HMCN2: variants seen among roughly 807,000 people sequenced by gnomAD.
The protein encoded by HMCN2 is hemicentin-2.
HMCN2 carries 325 observed loss-of-function variants against 377.5 expected under a neutral mutation model. The ratio of observed to expected loss-of-function variants is 0.86; its 90% CI spans 0.79 to 0.94. The LOEUF (loss-of-function observed/expected upper bound fraction) is 0.94. HMCN2 is among the 40% of genes least tolerant of loss of function. The pLI, the probability that HMCN2 is intolerant of heterozygous loss-of-function variation, is 0.00. For synonymous variants in HMCN2, 2,007 were observed against 2,046.8 expected, an observed-to-expected ratio of 0.98 and a Z score of 0.53; for missense variants, 4,543 against 4,725.3, an observed-to-expected ratio of 0.96 and a Z score of 1.13.
chr9:130,369,747 G>T lies in HMCN2; in HGVS notation c.6965G>T (p.Ser2322Ile). 1.0e-6 allele frequency: 1 copy of T among 985,976 alleles called. No homozygotes were observed. The highest frequency in any genetic ancestry group is 1.2e-6 in the Non-Finnish European group (1 of 830,010). 61.1% of individuals were successfully genotyped at this position (985,976 alleles called of 1,614,324 possible). ...CTGCAGCTGCAGAACCAGGGTCAGA[G>T]CCTGCATGTGGAGCGGGCCCAGGCT... ...LGLQLQNQGQSLHVERAQAAH... is the reference protein window; with the variant it reads ...LGLQLQNQGQILHVERAQAAH... Residue 2322 changes from serine (S) to isoleucine (I), a missense_variant, in exon 45 of 98, where the codon AGC becomes ATC. Ser to Ile is a moderately radical substitution (Grantham distance 142). This residue lies in a region of HMCN2 where 1,032 missense variants were observed against 1,285.1 expected (regional missense o/e 0.80). Transcript: ENST00000683500. This position sits in a 1 kb window ranked among gnomAD's most constrained non-coding sequence, Gnocchi z 4.5.
chr9:130,355,395 G>A (rs1839972493), intron 32 of HMCN2, among the ~76,000 whole-genome samples: 1 of 152,214 alleles, frequency 6.6e-6, no homozygotes, highest in Non-Finnish European at 1.5e-5. Flanking sequence ...GGGCGGGTGG[G>A]GCCTTCGCCT....
rs1039337842 is a variant in HMCN2 at position 130,308,699 on chromosome 9, G to A, written c.2200+1133G>A. 4.6e-5 allele frequency among the ~76,000 whole-genome samples: 7 copies of A among 152,258 alleles called. No homozygotes were observed. Among genetic ancestry groups the A allele is most frequent in the South Asian group, 4.2e-4 (2 of 4,816 alleles). ...ACTGCATATTCTGGCCAAGAACCCCGTCAACCCAGCCCTAGAGCCCCACTT... is the reference window on the plus strand; with the variant it reads ...ACTGCATATTCTGGCCAAGAACCCCATCAACCCAGCCCTAGAGCCCCACTT... On this transcript the variant is annotated intron_variant, in intron 14 of 97. Transcript: ENST00000683500. The surrounding 1 kb of genome is among the most constrained non-coding windows in gnomAD (Gnocchi z 4.1).
chr9:130,306,486 C>T (rs1226843618), intron 12 of HMCN2, among the ~76,000 whole-genome samples: 2 of 152,094 alleles, frequency 1.3e-5, no homozygotes, highest in Non-Finnish European at 2.9e-5. Flanking sequence ...CTGTATGGAC[C>T]TGCGCCCAAA....
At chr9:130,346,537 A>G in intron 25 of HMCN2, among the ~76,000 whole-genome samples, 1 of 151,982 alleles carries the variant, frequency 6.6e-6, no homozygotes, top group Non-Finnish European at 1.5e-5. Context: ...TGACTGACCC[A>G]GGCTTGTGGA....
chr9:130,310,903 A>G (rs1428210924), intron 15 of HMCN2, among the ~76,000 whole-genome samples: 6 of 152,174 alleles, frequency 3.9e-5, no homozygotes, highest in Admixed American at 3.9e-4. Context: ...TGCTGTGAGG[A>G]TTCAGTGAAA....
intron 1 of HMCN2, among the ~76,000 whole-genome samples, chr9:130,281,790 T>G (rs1304620425): frequency 4.8e-5 from 7 of 146,544 alleles, no homozygotes; most frequent in Admixed American, 1.4e-4. Context: ...GCTACTAGGC[T>G]GGGGCAGGAG....
chr9:130,306,653 C>T (rs1300589527), intron 12 of HMCN2, among the ~76,000 whole-genome samples, 158 bp from the exon 13 acceptor site: 4 of 151,508 alleles, frequency 2.6e-5, no homozygotes, highest in African/African-American at 4.9e-5. Context: ...CTCTGAGCCT[C>T]GAGAATTAAA....
At position 130,379,355 on chromosome 9, in the gene HMCN2, G is replaced by T. The variant is rs1479154930; in HGVS notation, c.8319G>T (p.Glu2773Asp). 2 of 985,680 alleles carry T rather than the reference G, an allele frequency of 2.0e-6. No homozygotes were observed. The highest frequency in any genetic ancestry group is 3.5e-5 in the African/African-American group (2 of 57,208). 61.1% of individuals were successfully genotyped at this position (985,680 alleles called of 1,614,324 possible). ...GGVTEYREIV[E>D]NNPAYLYCDT... Reference sequence around the variant, plus strand: ...TCACGGAATACAGGGAGATCGTGGAGAACAACCCAGCCTACCTGTACTGCG... The same window carrying T: ...TCACGGAATACAGGGAGATCGTGGATAACAACCCAGCCTACCTGTACTGCG... The change falls in exon 54 of 98, where the codon GAG becomes GAT. Residue 2773 changes from glutamate to aspartate, a missense_variant. This residue lies in a region of HMCN2 where 736 missense variants were observed against 773.2 expected (regional missense o/e 0.95). Coordinates refer to ENST00000683500, the MANE Select transcript of HMCN2 (RefSeq NM_001291815.2).
Position 130,333,837 on chromosome 9 carries a change from G to A in HMCN2, c.3360-4057G>A, listed in dbSNP as rs934106383. On this transcript the variant is annotated intron_variant, in intron 22 of 97. Coordinates refer to ENST00000683500, the MANE Select transcript of HMCN2 (RefSeq NM_001291815.2). The stretch of plus-strand genomic sequence containing the variant: ...AGCTTCACCTTTTCCCTGAGTCTCC[G>A]CAGAGCATGCGCAGGGTCATGATAA... 1.4e-3 allele frequency among the ~76,000 whole-genome samples: 207 copies of A among 152,332 alleles called. 2 individuals are homozygous for A. The Middle Eastern group carries it at 0.02, about 15-fold the overall frequency.
In HMCN2 at chr9:130,351,637, C is replaced by T; in HGVS notation, c.4585+60C>T. 1 of 1,252,410 alleles carries T rather than the reference C, an allele frequency of 8.0e-7. No homozygotes were observed. The highest frequency in any genetic ancestry group is 1.0e-6 in the Non-Finnish European group (1 of 954,852). 77.6% of individuals were successfully genotyped at this position (1,252,410 alleles called of 1,614,324 possible). A position where few individuals can be genotyped will look rare whatever the true frequency, so the allele number is the denominator to read the frequency against. ...GCTACTCAGGAAGCTTCCCACCCAG[C>T]TGCCCGCTGCCTTAGAGGGAGAGTG... On this transcript the variant is annotated intron_variant, in intron 30 of 97. Transcript: ENST00000683500. The surrounding 1 kb of genome is among the most constrained non-coding windows in gnomAD (Gnocchi z 5.4).
intron 1 of HMCN2, among the ~76,000 whole-genome samples, chr9:130,281,277 C>G (rs1267586714): frequency 2.0e-5 from 3 of 152,072 alleles, no homozygotes; most frequent in African/African-American, 7.2e-5. Context: ...GGCTGTGTGT[C>G]ATTGGACAAG....
intron 40 of HMCN2, among the ~76,000 whole-genome samples, chr9:130,363,456 T>C (rs1840495342): frequency 6.6e-6 from 1 of 152,194 alleles, no homozygotes; most frequent in Non-Finnish European, 1.5e-5. Flanking sequence ...CTCATGAAGC[T>C]ACTGTAACCA....
intron 62 of HMCN2, among the ~76,000 whole-genome samples, chr9:130,390,661 CA>C (rs1704479887): frequency 6.7e-6 from 1 of 150,242 alleles, no homozygotes; most frequent in Non-Finnish European, 1.5e-5. Context: ...CCTTGATAGA[CA>C]GGGGTAGAGG....
At chr9:130,344,265 G>A (rs1839219996) in intron 25 of HMCN2, among the ~76,000 whole-genome samples, 1 of 152,062 alleles carries the variant, frequency 6.6e-6, no homozygotes, top group South Asian at 2.1e-4. Flanking sequence ...GTGTGAGTGT[G>A]CGAATGTGTA....
At chr9:130,353,340 C>T in intron 31 of HMCN2, 135 bp downstream of exon 31, 12 of 702,534 alleles carry the variant, frequency 1.7e-5, no homozygotes, top group South Asian at 1.4e-4. Flanking sequence ...GGGACCAAGA[C>T]ATTATCTAGG....
intron 22 of HMCN2, among the ~76,000 whole-genome samples, chr9:130,336,214 G>A (rs980729495): frequency 3.3e-5 from 5 of 152,230 alleles, no homozygotes; most frequent in South Asian, 4.1e-4. Flanking sequence ...TTAATAAACT[G>A]TGGTGTGATC....
chr9:130,283,036 A>G (rs1166408857), intron 1 of HMCN2, among the ~76,000 whole-genome samples: 1 of 152,152 alleles, frequency 6.6e-6, no homozygotes, highest in Non-Finnish European at 1.5e-5. Flanking sequence ...ATGCCACTAT[A>G]CTGCAGCCTG....
At chr9:130,427,737 T>A in intron 92 of HMCN2, 118 bp downstream of exon 92, 1 of 1,265,924 alleles carries the variant, frequency 7.9e-7, no homozygotes, top group Non-Finnish European at 1.1e-6. Context: ...GGATGGCCAA[T>A]TCTTGAGGGT....
chr9:130,344,828 T>A (rs1199937701), intron 25 of HMCN2, among the ~76,000 whole-genome samples: 3 of 150,418 alleles, frequency 2.0e-5, no homozygotes, highest in African/African-American at 7.4e-5. Flanking sequence ...TGGTGTTTGG[T>A]GTGTGTGGTG....
Sources: allele counts gnomAD v4.1 joint callset (sites outside exome capture counted in the v4.1 genomes callset), GRCh38; gene constraint gnomAD v4.1.1; regional missense constraint gnomAD v4.1.1; non-coding constraint Gnocchi (gnomAD v3.1); transcripts MANE v1.5; gene names NCBI Gene and HGNC (gene_info 2026-07-23, HGNC 2026-07-21).